WT1: variants seen among roughly 807,000 people sequenced by gnomAD.
WT1 encodes the protein WT1 transcription factor, also known as Wilms tumor protein.
A neutral mutation model predicts 60.8 loss-of-function variants in WT1; 8 were observed. The ratio of observed to expected loss-of-function variants is 0.13; its 90% CI spans 0.08 to 0.24. The LOEUF is 0.24. Among genes scored for constraint, WT1 ranks in the 10% least tolerant of loss-of-function variants. WT1 has a pLI of 1.00. For synonymous variants in WT1, 312 were observed against 297.1 expected, an observed-to-expected ratio of 1.05 and a Z score of -0.52; for missense variants, 568 against 711.8, an observed-to-expected ratio of 0.80 and a Z score of 2.30.
chr11:32,387,879 T>G lies in WT1; in HGVS notation c.*1179A>C, dbSNP rs1421830071. On this transcript the variant is annotated 3_prime_UTR_variant, in exon 10 of 10. Coordinates refer to ENST00000452863, the MANE Select transcript of WT1 (RefSeq NM_024426.6). Reference sequence around the variant, plus strand: ...TAAGATCAACACCCAGTGATGCATCTAGTACTTATACAGTCCTAATTTTAG... The same window carrying G: ...TAAGATCAACACCCAGTGATGCATCGAGTACTTATACAGTCCTAATTTTAG... The G allele has an allele frequency of 4.3e-6, 1 of 233,434 alleles. No homozygotes were observed. The highest frequency in any genetic ancestry group is 8.5e-6 in the Non-Finnish European group (1 of 118,110). The allele number at this position is 233,434 out of a possible 1,614,324, so 14.5% of individuals were successfully genotyped here. A position where few individuals can be genotyped will look rare whatever the true frequency, so the allele number is the denominator to read the frequency against.
intron 5 of WT1, chr11:32,400,586 A>T (rs1400632054): frequency 4.6e-6 from 1 of 219,628 alleles, no homozygotes; most frequent in Admixed American, 5.2e-5. Context: ...GATCAGCTTA[A>T]CTCTTGGTAG....
intron 3 of WT1, among the ~76,000 whole-genome samples, chr11:32,426,586 C>A (rs990570548): frequency 6.6e-6 from 1 of 151,988 alleles, no homozygotes; most frequent in Non-Finnish European, 1.5e-5. Flanking sequence ...TGGGGAGGTG[C>A]GACCATTGGT....
At chr11:32,403,155 G>GA (rs149194743) in intron 5 of WT1, among the ~76,000 whole-genome samples, 26 of 147,292 alleles carry the variant, frequency 1.8e-4, no homozygotes, top group Middle Eastern at 7.0e-3. Context: ...GGTCCATGAG[G>GA]AAAAAAAAAA....
rs1852987317 is a variant in WT1 at position 32,425,175 on chromosome 11, GA to G, written c.887+2780del. On this transcript the variant is annotated intron_variant, in intron 3 of 9. Coordinates refer to ENST00000452863, the MANE Select transcript of WT1 (RefSeq NM_024426.6). ...CTGGGCGACAGAGTGAGACTGTCTC[GA>G]AAAGAAAAAAAAAAAAAAAAAAAGA... Among the ~76,000 whole-genome samples the G allele has an allele frequency of 5.4e-5, 4 of 73,958 alleles. No homozygotes were observed. The Admixed American group carries it at 6.2e-4, about 11-fold the overall frequency. The allele number at this position is 73,958 out of a possible 152,430, so 48.5% of individuals were successfully genotyped here.
intron 6 of WT1, 42 bp from the exon 7 acceptor site, chr11:32,396,449 T>A: frequency 6.2e-7 from 1 of 1,609,760 alleles, no homozygotes; most frequent in Non-Finnish European, 8.5e-7. Context: ...TTAAGCCACA[T>A]GTGAACATTC....
At chr11:32,428,696 G>C in intron 1 of WT1, 77 bp from the exon 2 acceptor site, 3 of 1,546,210 alleles carry the variant, frequency 1.9e-6, no homozygotes, top group Non-Finnish European at 1.7e-6. Flanking sequence ...ACCAGCCACG[G>C]GCGGGGGGGG....
At chr11:32,408,636 AAC>A (rs1210920918) in intron 5 of WT1, among the ~76,000 whole-genome samples, 1 of 152,020 alleles carries the variant, frequency 6.6e-6, no homozygotes, top group Non-Finnish European at 1.5e-5. Context: ...GAAAAAAAGA[AAC>A]ACAGGGGAGA....
At chr11:32,402,390 A>T (rs1442133027) in intron 5 of WT1, among the ~76,000 whole-genome samples, 1 of 152,202 alleles carries the variant, frequency 6.6e-6, no homozygotes, top group East Asian at 1.9e-4. Context: ...AGACAGTGGG[A>T]AAGTGAGAGG....
intron 4 of WT1, 63 bp from the exon 5 acceptor site, chr11:32,416,603 A>G: frequency 6.3e-7 from 1 of 1,596,204 alleles, no homozygotes; most frequent in Non-Finnish European, 8.6e-7. Flanking sequence ...CAAGCCCCCC[A>G]GATCCCAGAA....
At chr11:32,424,672 T>C (rs1852966862) in intron 3 of WT1, among the ~76,000 whole-genome samples, 1 of 152,164 alleles carries the variant, frequency 6.6e-6, no homozygotes, top group African/African-American at 2.4e-5. Flanking sequence ...GTATTTTCTA[T>C]TCACTGTTGT....
rs2132959474 is a variant in WT1, at chr11:32,400,054, C to A, written c.1017-10G>T. The A allele has an allele frequency of 6.2e-7, 1 of 1,614,036 alleles. No homozygotes were observed. The highest frequency in any genetic ancestry group is 8.5e-7 in the Non-Finnish European group (1 of 1,179,996). On this transcript the variant is annotated splice_polypyrimidine_tract_variant and intron_variant, in intron 5 of 9. Coordinates refer to ENST00000452863, the MANE Select transcript of WT1 (RefSeq NM_024426.6). ...GTACCCTGTGCTGTGGCTGCAAACA[C>A]AAAGAAGGGAAAAAGGCTCAGTGTG...
chr11:32,429,703 C>G (rs1853205552), intron 1 of WT1, among the ~76,000 whole-genome samples: 1 of 152,060 alleles, frequency 6.6e-6, no homozygotes, highest in Non-Finnish European at 1.5e-5. Flanking sequence ...GACACAATGG[C>G]TAAGGAGAGC....
chr11:32,400,793 C>T (rs1433779756), intron 5 of WT1, among the ~76,000 whole-genome samples: 1 of 152,238 alleles, frequency 6.6e-6, no homozygotes, highest in African/African-American at 2.4e-5. Context: ...CCTCTATCTG[C>T]TCTACAGTTA....
chr11:32,430,491 A>AGAGAGAGAGAGAGAGAGAGAGAGAGAGG, intron 1 of WT1: 1 of 1,556,484 alleles, frequency 6.4e-7, no homozygotes, highest in Middle Eastern at 1.7e-4. Flanking sequence ...AGAGAGAGAG[A>AGAGAGAGAGAGAGAGAGAGAGAGAGAGG]CGAAATAGAA....
intron 3 of WT1, among the ~76,000 whole-genome samples, chr11:32,425,548 A>T (rs895837114): frequency 1.3e-5 from 2 of 152,228 alleles, no homozygotes; most frequent in Non-Finnish European, 2.9e-5. Flanking sequence ...GGTTTAAAAC[A>T]TTCCTACACC....
chr11:32,400,433 A>C, intron 5 of WT1: 1 of 355,396 alleles, frequency 2.8e-6, no homozygotes. Flanking sequence ...CGTTAAGTGC[A>C]CTGAATTTGT....
intron 3 of WT1, 105 bp downstream of exon 3, chr11:32,427,851 T>C: frequency 1.9e-6 from 2 of 1,058,230 alleles, no homozygotes; most frequent in Non-Finnish European, 2.7e-6. Context: ...AGACCCTGCA[T>C]GCCCGCAGTC....
intron 7 of WT1, 101 bp downstream of exon 7, chr11:32,396,156 C>G: frequency 6.4e-7 from 1 of 1,550,488 alleles, no homozygotes; most frequent in South Asian, 1.1e-5. Flanking sequence ...GCAGTGCTTA[C>G]TTTCCATCCT....
intron 3 of WT1, among the ~76,000 whole-genome samples, chr11:32,422,778 C>T (rs193148800): frequency 2.6e-5 from 4 of 152,324 alleles, no homozygotes; most frequent in Admixed American, 6.5e-5. Context: ...CTTCCAGAGT[C>T]GGAGTGGTTT....
Sources: gnomAD v4.1 joint callset for allele counts (sites outside exome capture counted in the v4.1 genomes callset) on GRCh38, gnomAD v4.1.1 for gene constraint, MANE v1.5 for transcripts, NCBI Gene and HGNC (gene_info 2026-07-23, HGNC 2026-07-21) for gene names.